The following CAPN3 variants were observed in gnomAD, a reference collection of about 807,000 sequenced individuals.
CAPN3 encodes calpain-3.
A neutral mutation model predicts 114.0 loss-of-function variants in CAPN3; 88 were observed. That is an observed-to-expected ratio of 0.77 (90% CI 0.65 to 0.92). The LOEUF (loss-of-function observed/expected upper bound fraction) is 0.92. Among genes scored for constraint, CAPN3 ranks in the 40% least tolerant of loss-of-function variants. The probability of loss-of-function intolerance (pLI) is 0.00; values close to 1 mark genes in which losing one functional copy is unlikely to be tolerated. For synonymous variants in CAPN3, 386 were observed against 382.9 expected (o/e 1.01, Z -0.09); for missense variants, 1,028 against 1,069.0 (o/e 0.96, Z 0.53).
chr15:42,380,751 A>ATATATATTTTTTTTTTTTT (rs1436943739), intron 1 of CAPN3, among the ~76,000 whole-genome samples: 1 of 64,484 alleles, frequency 1.6e-5, no homozygotes, highest in African/African-American at 9.0e-5. Context: ...ATATATATAT[A>ATATATATTTTTTTTTTTTT]TTTTTTTTTT....
intron 1 of CAPN3, among the ~76,000 whole-genome samples, chr15:42,368,021 G>C (rs898405846): frequency 1.2e-4 from 18 of 152,132 alleles, no homozygotes; most frequent in African/African-American, 4.3e-4. Flanking sequence ...TATGCCATAG[G>C]CATGGCTTTT....
chr15:42,367,780 A>G (rs751558200), intron 1 of CAPN3, among the ~76,000 whole-genome samples: 21 of 152,220 alleles, frequency 1.4e-4, no homozygotes, highest in Non-Finnish European at 2.8e-4. Context: ...AGACAGTGAA[A>G]TAGAGTCAGC....
At position 42,359,803 on chromosome 15, in the gene CAPN3, G is replaced by C. The variant is rs2052588908; in HGVS notation, c.-3G>C. 1 of 1,613,256 alleles carries C rather than the reference G, an allele frequency of 6.2e-7. No homozygotes were observed. Among genetic ancestry groups the C allele is most frequent in the East Asian group, 2.2e-5 (1 of 44,882 alleles). ...AAAGCTTTTTCTTCCAAAGCCACTT[G>C]CCATGCCGACCGTCATTAGCGCATC... On this transcript the variant is annotated 5_prime_UTR_variant, in exon 1 of 24. Coordinates refer to ENST00000397163, the MANE Select transcript of CAPN3 (RefSeq NM_000070.3).
rs886043437 is a variant in CAPN3, at chr15:42,384,540, C to A, written c.367C>A (p.Gln123Lys). 1 of 1,613,232 alleles carries A rather than the reference C, an allele frequency of 6.2e-7. No homozygotes were observed. ...TGGAGCCAACAGAACTGACATCTGTCAAGGAGAGCTAGGTAGGAAAGTGCC... is the reference window on the plus strand; with the variant it reads ...TGGAGCCAACAGAACTGACATCTGTAAAGGAGAGCTAGGTAGGAAAGTGCC... ...IDGANRTDIC[Q>K]GELGDCWFLA... The change falls in exon 2 of 24, where the codon CAA becomes AAA. Residue 123 changes from glutamine (Q) to lysine (K), a missense_variant. Transcript: ENST00000397163.
At chr15:42,368,495 CAAT>C (rs1244900981) in intron 1 of CAPN3, among the ~76,000 whole-genome samples, 1 of 152,000 alleles carries the variant, frequency 6.6e-6, no homozygotes, top group Non-Finnish European at 1.5e-5. Context: ...AATCAATAAA[CAAT>C]AATTTAATGA....
chr15:42,392,693 C>A lies in CAPN3; in HGVS notation c.1000C>A (p.His334Asn), dbSNP rs777990178. Residue 334 changes from histidine to asparagine, a missense_variant, in exon 7 of 24, where the codon CAC becomes AAC. Physicochemically the swap from His to Asn is moderately conservative, Grantham distance 68. Transcript: ENST00000397163. Reference protein sequence around the residue: ...TRMACGLVRGHAYSVTGLDEV... With the variant: ...TRMACGLVRGNAYSVTGLDEV... ...AATGGCCTGCGGGCTGGTCAGAGGT[C>A]ACGCCTACTCTGTCACGGGGCTGGA... The A allele has an allele frequency of 6.2e-7, 1 of 1,613,990 alleles. No homozygotes were observed. The highest frequency in any genetic ancestry group is 1.7e-5 in the Admixed American group (1 of 60,008).
intron 1 of CAPN3, among the ~76,000 whole-genome samples, chr15:42,383,804 C>A (rs926475989): frequency 4.0e-5 from 6 of 151,690 alleles, no homozygotes; most frequent in African/African-American, 1.5e-4. Context: ...AACTCCTGAC[C>A]TCAAGTGATC....
chr15:42,400,307 T>C (rs28364476), intron 10 of CAPN3, among the ~76,000 whole-genome samples: 1,603 of 152,244 alleles, frequency 0.011, 33 homozygotes, highest in African/African-American at 0.037. Flanking sequence ...GATGAAAACC[T>C]AGACCAAGTC....
chr15:42,386,352 G>A, intron 3 of CAPN3, 67 bp downstream of exon 3: 1 of 1,101,624 alleles, frequency 9.1e-7, no homozygotes, highest in Non-Finnish European at 1.4e-6. Context: ...TCCTGGCCTT[G>A]ACTTCCCAGA....
At chr15:42,396,932 A>G in intron 9 of CAPN3, 55 bp downstream of exon 9, 1 of 1,292,944 alleles carries the variant, frequency 7.7e-7, no homozygotes, top group Middle Eastern at 2.0e-4. Flanking sequence ...AGAGAGGGGA[A>G]ATCTCAGACC....
At chr15:42,405,882 A>G in intron 14 of CAPN3, 44 bp from the exon 15 acceptor site, 6 of 1,563,972 alleles carry the variant, frequency 3.8e-6, no homozygotes, top group Non-Finnish European at 5.3e-6. Flanking sequence ...CTGAGAACTT[A>G]CTTTTCACTT....
intron 1 of CAPN3, among the ~76,000 whole-genome samples, chr15:42,365,967 C>G (rs2052767060): frequency 6.6e-6 from 1 of 152,174 alleles, no homozygotes; most frequent in Non-Finnish European, 1.5e-5. Context: ...AGATAAGTTT[C>G]CCAAGCTATA....
chr15:42,386,397 CG>C (rs1156368919), intron 3 of CAPN3, 112 bp downstream of exon 3: 1 of 800,080 alleles, frequency 1.2e-6, no homozygotes, highest in Non-Finnish European at 2.2e-6. Flanking sequence ...CTACCCGCAG[CG>C]GCAACAGTCG....
intron 1 of CAPN3, among the ~76,000 whole-genome samples, chr15:42,381,340 G>T (rs970740348): frequency 6.6e-6 from 1 of 151,890 alleles, no homozygotes; most frequent in African/African-American, 2.4e-5. Context: ...CTCTACTTTT[G>T]TTTGTCTGAT....
intron 8 of CAPN3, 32 bp from the exon 9 acceptor site, chr15:42,396,768 C>G: frequency 2.5e-6 from 4 of 1,573,964 alleles, no homozygotes; most frequent in Non-Finnish European, 3.5e-6. Context: ...TCCCTTCTTC[C>G]TGCTTCCTTA....
intron 15 of CAPN3, among the ~76,000 whole-genome samples, chr15:42,407,910 C>T (rs1405624462): frequency 6.6e-6 from 1 of 152,008 alleles, no homozygotes; most frequent in Non-Finnish European, 1.5e-5. Context: ...AAAAAAAAGT[C>T]TACAAAATAC....
Position 42,381,781 on chromosome 15 carries a change from G to T in CAPN3, c.310-2702G>T, listed in dbSNP as rs1411977899. Among the ~76,000 whole-genome samples the T allele has an allele frequency of 1.9e-4, 29 of 152,048 alleles. 1 individual carries two copies. Among genetic ancestry groups the T allele is most frequent in the Admixed American group, 1.4e-3 (22 of 15,254 alleles). ...TCTCGAACTCCTGGCCTCGTGATCC[G>T]CCCACCTCAGCCTCCCAAAATGCTG... On this transcript the variant is annotated intron_variant, in intron 1 of 23. Coordinates refer to ENST00000397163, the MANE Select transcript of CAPN3 (RefSeq NM_000070.3).
rs553012857 is a variant in CAPN3, at chr15:42,370,792, G to A, written c.309+10678G>A. On this transcript the variant is annotated intron_variant, in intron 1 of 23. Transcript: ENST00000397163. ...AGGGCTGTTTTGAGTGGCATTCAGC[G>A]TCCTAGTAGGTGTGCAAGGTAAGGT... Among the ~76,000 whole-genome samples, 11 of 152,258 alleles carry A rather than the reference G, an allele frequency of 7.2e-5. No individual in the cohort carries two copies. In the South Asian group the frequency reaches 1.0e-3, roughly 14 times the overall value.
Position 42,403,234 on chromosome 15 carries a change from G to T in CAPN3, c.1745+232G>T, listed in dbSNP as rs1210824780. Among the ~76,000 whole-genome samples the T allele has an allele frequency of 2.6e-5, 4 of 152,344 alleles. No homozygotes were observed. In the East Asian group the frequency reaches 7.7e-4, roughly 29 times the overall value. ...TAAGGATAGAGTAGTGAAGTAAACA[G>T]AAAGAAATCCCTGCCTTCATGGAGC... On this transcript the variant is annotated intron_variant, in intron 13 of 23. Coordinates refer to ENST00000397163, the MANE Select transcript of CAPN3 (RefSeq NM_000070.3).
Sources: gnomAD v4.1 joint callset for allele counts (sites outside exome capture counted in the v4.1 genomes callset) on GRCh38, gnomAD v4.1.1 for gene constraint, MANE v1.5 for transcripts, NCBI Gene and HGNC (gene_info 2026-07-23, HGNC 2026-07-21) for gene names.